PCDH9: variants seen among roughly 807,000 people sequenced by gnomAD.
The protein encoded by PCDH9 is protocadherin 9, also known as protocadherin-9.
A neutral mutation model predicts 70.6 loss-of-function variants in PCDH9; 24 were observed. The ratio of observed to expected loss-of-function variants is 0.34; its 90% CI spans 0.25 to 0.48. The LOEUF is 0.48. Ranked by LOEUF, PCDH9 falls within the 20% of genes least tolerant of loss-of-function variation. The pLI, the probability that PCDH9 is intolerant of heterozygous loss-of-function variation, is 0.99. For synonymous variants in PCDH9, 562 were observed against 558.5 expected (o/e 1.01, Z -0.09); for missense variants, 1,281 against 1,503.6 (o/e 0.85, Z 2.45).
intron 4 of PCDH9, among the ~76,000 whole-genome samples, chr13:66,310,682 A>C (rs955838796): frequency 1.3e-5 from 2 of 151,958 alleles, no homozygotes; most frequent in African/African-American, 2.4e-5. Context: ...TCTATGAATA[A>C]ATTTTTCTTA....
At chr13:66,969,919 T>TA (rs2083490613) in intron 2 of PCDH9, among the ~76,000 whole-genome samples, 1 of 152,042 alleles carries the variant, frequency 6.6e-6, no homozygotes. Flanking sequence ...TCACAAGTCT[T>TA]AAATCAATCA....
intron 3 of PCDH9, among the ~76,000 whole-genome samples, chr13:66,884,345 T>A (rs1195968319): frequency 6.6e-6 from 1 of 152,060 alleles, no homozygotes; most frequent in Non-Finnish European, 1.5e-5. Flanking sequence ...GCATCTGCAA[T>A]ATAGTAATTA....
chr13:66,734,531 G>T (rs768653456), intron 3 of PCDH9, among the ~76,000 whole-genome samples: 9 of 152,076 alleles, frequency 5.9e-5, no homozygotes, highest in Non-Finnish European at 1.3e-4. Flanking sequence ...CTTTCTTAAC[G>T]ACTGTGTCCT....
At chr13:66,763,846 T>C (rs2139256683) in intron 3 of PCDH9, among the ~76,000 whole-genome samples, 1 of 152,200 alleles carries the variant, frequency 6.6e-6, no homozygotes, top group East Asian at 1.9e-4. Flanking sequence ...TCCAGCAGGC[T>C]GGAGTGCAGT....
intron 3 of PCDH9, among the ~76,000 whole-genome samples, chr13:66,780,635 T>A (rs1041711612): frequency 3.3e-5 from 5 of 152,142 alleles, no homozygotes; most frequent in Non-Finnish European, 5.9e-5. Flanking sequence ...TACTCCCTAG[T>A]CAATATTCTT....
intron 2 of PCDH9, among the ~76,000 whole-genome samples, chr13:67,140,294 C>T (rs2087349630): frequency 6.6e-6 from 1 of 151,904 alleles, no homozygotes; most frequent in Non-Finnish European, 1.5e-5. Context: ...TTAGCTTTTT[C>T]TGGAAATTTT....
intron 2 of PCDH9, among the ~76,000 whole-genome samples, chr13:66,967,381 A>C (rs1168738743): frequency 6.6e-6 from 1 of 152,072 alleles, no homozygotes; most frequent in African/African-American, 2.4e-5. Flanking sequence ...AAATTAAATA[A>C]AATTTGAAAG....
At chr13:66,470,668 A>G (rs74095221) in intron 4 of PCDH9, among the ~76,000 whole-genome samples, 2,278 of 151,950 alleles carry the variant, frequency 0.015, 70 homozygotes, top group African/African-American at 0.053. Flanking sequence ...AACTAGAGAA[A>G]AAGCCAAGGG....
At chr13:66,948,126 GT>G (rs11312278) in intron 2 of PCDH9, among the ~76,000 whole-genome samples, 24,289 of 152,014 alleles carry the variant, frequency 0.16, 2,117 homozygotes, top group Non-Finnish European at 0.18. Flanking sequence ...ATGCCTCAGA[GT>G]ATAGTGTTGA....
At chr13:66,633,801 G>C (rs1450826400) in intron 3 of PCDH9, among the ~76,000 whole-genome samples, 2 of 152,124 alleles carry the variant, frequency 1.3e-5, no homozygotes, top group East Asian at 3.8e-4. Flanking sequence ...ATACATCTGT[G>C]AGATTTTTTA....
chr13:66,695,138 C>T (rs901720348), intron 3 of PCDH9, among the ~76,000 whole-genome samples: 6 of 151,944 alleles, frequency 3.9e-5, no homozygotes, highest in Non-Finnish European at 5.9e-5. Flanking sequence ...CTCATGACCT[C>T]GTGATCCTCC....
At chr13:66,492,091 C>T (rs1340841639) in intron 4 of PCDH9, among the ~76,000 whole-genome samples, 1 of 152,108 alleles carries the variant, frequency 6.6e-6, no homozygotes, top group Non-Finnish European at 1.5e-5. Context: ...AATAAACTCC[C>T]TTAAAAGAGA....
intron 2 of PCDH9, among the ~76,000 whole-genome samples, chr13:67,023,819 T>C (rs949426238): frequency 6.6e-6 from 1 of 152,040 alleles, no homozygotes; most frequent in Non-Finnish European, 1.5e-5. Flanking sequence ...TAAGTTGAAC[T>C]GAAAAGAATA....
At chr13:66,722,710 G>A (rs1339057567) in intron 3 of PCDH9, among the ~76,000 whole-genome samples, 5 of 152,242 alleles carry the variant, frequency 3.3e-5, no homozygotes, top group South Asian at 2.1e-4. Context: ...GCTCACGCCT[G>A]TAATCCCAGC....
At chr13:66,361,504 G>A (rs893001705) in intron 4 of PCDH9, among the ~76,000 whole-genome samples, 1 of 152,018 alleles carries the variant, frequency 6.6e-6, no homozygotes, top group African/African-American at 2.4e-5. Context: ...TATGTCATCA[G>A]TTTTTTGTAT....
At position 66,905,195 on chromosome 13, in the gene PCDH9, A is replaced by G. The variant is rs567891741; in HGVS notation, c.3037-1590T>C. Among the ~76,000 whole-genome samples, 239 of 152,186 alleles carry G rather than the reference A, an allele frequency of 1.6e-3. 1 individual carries two copies. Among genetic ancestry groups the G allele is most frequent in the South Asian group, 4.8e-3 (23 of 4,822 alleles). Reference sequence around the variant, plus strand: ...GCTTTTTTGGCATTCAAGAAAAAAAAAAGCATAGACCTTAAAACAGTTATT... The same window carrying G: ...GCTTTTTTGGCATTCAAGAAAAAAAGAAGCATAGACCTTAAAACAGTTATT... On this transcript the variant is annotated intron_variant, in intron 2 of 4. Transcript: ENST00000377865.
intron 4 of PCDH9, among the ~76,000 whole-genome samples, chr13:66,623,078 C>T (rs746955139): frequency 2.0e-5 from 3 of 152,136 alleles, no homozygotes; most frequent in Non-Finnish European, 2.9e-5. Context: ...CGAACACATC[C>T]GAACATCAGA....
chr13:66,452,663 C>G (rs946395825), intron 4 of PCDH9, among the ~76,000 whole-genome samples: 2 of 151,942 alleles, frequency 1.3e-5, no homozygotes, highest in Non-Finnish European at 2.9e-5. Context: ...CTCCTGAATC[C>G]AAGAATGCAA....
intron 4 of PCDH9, among the ~76,000 whole-genome samples, chr13:66,464,362 G>A (rs1370435554): frequency 6.6e-6 from 1 of 151,764 alleles, no homozygotes; most frequent in Non-Finnish European, 1.5e-5. Flanking sequence ...AGCTAAAAAA[G>A]GAGACTATTT....
Sources: gnomAD v4.1 joint callset for allele counts (sites outside exome capture counted in the v4.1 genomes callset) on GRCh38, gnomAD v4.1.1 for gene constraint, MANE v1.5 for transcripts, NCBI Gene and HGNC (gene_info 2026-07-23, HGNC 2026-07-21) for gene names.